Variants in NPHS2 observed in about 807,000 individuals in gnomAD.
The protein encoded by NPHS2 is NPHS2 stomatin family member, podocin, also known as podocin.
In NPHS2, 36 loss-of-function variants were observed where a neutral mutation model predicts 37.1. The ratio of observed to expected loss-of-function variants is 0.97; its 90% CI spans 0.74 to 1.28. NPHS2 has a LOEUF of 1.28. Among genes scored for constraint, NPHS2 ranks in the 50% most tolerant of loss-of-function variants. The pLI, the probability that NPHS2 is intolerant of heterozygous loss-of-function variation, is 0.00. For synonymous variants in NPHS2, 196 were observed against 189.3 expected (o/e 1.04, Z -0.29); for missense variants, 447 against 488.1 (o/e 0.92, Z 0.79).
intron 2 of NPHS2, among the ~76,000 whole-genome samples, chr1:179,561,642 T>C (rs1358349617): frequency 1.3e-5 from 2 of 152,232 alleles, no homozygotes; most frequent in Non-Finnish European, 2.9e-5. Context: ...AAATTAATCT[T>C]ATCAAGGCAT....
chr1:179,552,811 C>A, intron 6 of NPHS2, 130 bp from the exon 7 acceptor site: 1 of 733,950 alleles, frequency 1.4e-6, no homozygotes. Context: ...CCAGAGTGTG[C>A]CATTCCTAGA....
chr1:179,556,553 T>TACC lies in NPHS2; in HGVS notation c.738+473_738+474insGGT, dbSNP rs1673936866. ...AAATCTAGACAATGGATTGGGTAAT[T>TACC]CATCATGTAAAGGTCTATGACATCT... On this transcript the variant is annotated intron_variant, in intron 5 of 7. Transcript: ENST00000367615. This position sits in a 1 kb window ranked among gnomAD's most constrained non-coding sequence, Gnocchi z 4.1. 6.6e-6 allele frequency among the ~76,000 whole-genome samples: 1 copy of TACC among 152,200 alleles called. No individual in the cohort carries two copies. The highest frequency in any genetic ancestry group is 2.4e-5 in the African/African-American group (1 of 41,446).
At chr1:179,555,984 T>C (rs1424804228) in intron 5 of NPHS2, among the ~76,000 whole-genome samples, 3 of 152,222 alleles carry the variant, frequency 2.0e-5, no homozygotes, top group Non-Finnish European at 2.9e-5. Flanking sequence ...TTTCGACTTT[T>C]ATCATGGGTT....
At chr1:179,574,518 C>T (rs1005313689) in intron 1 of NPHS2, among the ~76,000 whole-genome samples, 2 of 152,186 alleles carry the variant, frequency 1.3e-5, no homozygotes, top group Admixed American at 6.5e-5. Context: ...AGCATTGAAC[C>T]CAGCAACCAT....
intron 1 of NPHS2, among the ~76,000 whole-genome samples, chr1:179,569,908 A>T (rs1401084398): frequency 6.6e-6 from 1 of 152,180 alleles, no homozygotes; most frequent in Non-Finnish European, 1.5e-5. Context: ...CTGCCAAGAG[A>T]TCCACTGTTA....
intron 1 of NPHS2, among the ~76,000 whole-genome samples, chr1:179,573,785 A>G (rs1023374285): frequency 1.3e-5 from 2 of 152,270 alleles, no homozygotes; most frequent in Admixed American, 1.3e-4. Context: ...AGCGAGAGAT[A>G]TGCGTAGAAA....
In NPHS2 at chr1:179,575,590, C is replaced by A; in HGVS notation, c.274+1G>T. On this transcript the variant is annotated splice_donor_variant, in intron 1 of 7. Transcript: ENST00000367615. LOFTEE classifies it high-confidence loss of function. ...AGCAGATAGTGGTGCTGAATCCGTACCTTCCTCGGGCCGCTCGCTCTCCAA... is the reference window on the plus strand; with the variant it reads ...AGCAGATAGTGGTGCTGAATCCGTAACTTCCTCGGGCCGCTCGCTCTCCAA... 1 of 1,601,234 alleles carries A rather than the reference C, an allele frequency of 6.2e-7. No homozygotes were observed. Among genetic ancestry groups the A allele is most frequent in the Non-Finnish European group, 8.5e-7 (1 of 1,179,864 alleles).
intron 1 of NPHS2, among the ~76,000 whole-genome samples, chr1:179,565,107 C>T (rs188995122): frequency 6.8e-6 from 1 of 147,832 alleles, no homozygotes; most frequent in Admixed American, 6.7e-5. Context: ...CCTGTCTGTA[C>T]AAAAAAAAAA....
chr1:179,573,802 T>G (rs1674652891), intron 1 of NPHS2, among the ~76,000 whole-genome samples: 1 of 152,222 alleles, frequency 6.6e-6, no homozygotes. Context: ...GAAAACTAAT[T>G]TATATCCTCA....
At position 179,575,441 on chromosome 1, in the gene NPHS2, C is replaced by G. The variant is rs931938604; in HGVS notation, c.274+150G>C. On this transcript the variant is annotated intron_variant, in intron 1 of 7. Transcript: ENST00000367615. ...CTCACCATAGCAGGTTGCTGGGTTC[C>G]TAACTTACGCCCTTCCGTTCCTGGG... 6.6e-6 allele frequency: 7 copies of G among 1,067,562 alleles called. No homozygotes were observed. The African/African-American group carries it at 1.1e-4, about 17-fold the overall frequency. 66.1% of individuals were successfully genotyped at this position (1,067,562 alleles called of 1,614,324 possible).
At chr1:179,564,849 A>G in intron 1 of NPHS2, 56 bp from the exon 2 acceptor site, 1 of 1,370,888 alleles carries the variant, frequency 7.3e-7, no homozygotes, top group South Asian at 1.2e-5. Context: ...GTATTCACTG[A>G]CTAGCATCTG....
At chr1:179,557,699 A>G (rs1261029049) in intron 4 of NPHS2, among the ~76,000 whole-genome samples, 2 of 152,212 alleles carry the variant, frequency 1.3e-5, no homozygotes, top group Non-Finnish European at 2.9e-5. Flanking sequence ...GGATTTAGCT[A>G]TAAGGATGTT....
chr1:179,566,433 T>A (rs1270874560), intron 1 of NPHS2, among the ~76,000 whole-genome samples: 1 of 152,254 alleles, frequency 6.6e-6, no homozygotes, highest in African/African-American at 2.4e-5. Flanking sequence ...CTTGTAAATT[T>A]GTTTGAGTTC....
intron 5 of NPHS2, among the ~76,000 whole-genome samples, chr1:179,555,058 A>C (rs918323760): frequency 6.6e-6 from 1 of 152,160 alleles, no homozygotes; most frequent in African/African-American, 2.4e-5. Context: ...TGGAAAAGGC[A>C]AGGAAACGGA....
chr1:179,571,455 G>A (rs1456106044), intron 1 of NPHS2, among the ~76,000 whole-genome samples: 2 of 152,194 alleles, frequency 1.3e-5, no homozygotes, highest in East Asian at 3.9e-4. Context: ...TCCCAGGGGG[G>A]CAGCCGCCTA....
rs1249990464 is a variant in NPHS2 at position 179,559,746 on chromosome 1, A to G, written c.467T>C (p.Leu156Ser). 6.4e-7 allele frequency: 1 copy of G among 1,567,066 alleles called. No individual in the cohort carries two copies. Among genetic ancestry groups the G allele is most frequent in the Non-Finnish European group, 8.7e-7 (1 of 1,148,832 alleles). ...CTTGTGGTAGGTATCCAGGCAGGGC[A>G]AAAAAAAGAAAAGACCTAAAAGAGA... ...RAKGPGLFFF[L>S]PCLDTYHKVD... The change falls in exon 4 of 8, where the codon TTG (leucine) becomes TCG (serine). Residue 156 changes from leucine (L) to serine (S), a missense_variant. By Grantham distance (145) the Leu-to-Ser change is moderately radical. Coordinates refer to ENST00000367615, the MANE Select transcript of NPHS2 (RefSeq NM_014625.4).
intron 1 of NPHS2, among the ~76,000 whole-genome samples, chr1:179,575,267 G>A (rs924128946): frequency 1.3e-5 from 2 of 152,144 alleles, no homozygotes; most frequent in East Asian, 1.9e-4. Context: ...GTGCCCGTAT[G>A]CCCCTCCATG....
In NPHS2 at chr1:179,557,157, A is replaced by T. The variant is rs1246042794; in HGVS notation, c.608T>A (p.Leu203His). 1 of 1,614,082 alleles carries T rather than the reference A, an allele frequency of 6.2e-7. No homozygotes were observed. The highest frequency in any genetic ancestry group is 1.1e-5 in the South Asian group (1 of 91,086). Reference sequence around the variant, plus strand: ...AGATACATGAGCAAGACTGCTTAGGAGAAGAGAGGCATTTTCCATTCGGTA... The same window carrying T: ...AGATACATGAGCAAGACTGCTTAGGTGAAGAGAGGCATTTTCCATTCGGTA... ...CYYRMENASLLLSSLAHVSKA... is the reference protein window; with the variant it reads ...CYYRMENASLHLSSLAHVSKA... The change falls in exon 5 of 8, where the codon CTC (leucine) becomes CAC (histidine). Residue 203 changes from leucine (L) to histidine (H), a missense_variant. Physicochemically the swap from Leu to His is moderately conservative, Grantham distance 99. Transcript: ENST00000367615.
intron 1 of NPHS2, among the ~76,000 whole-genome samples, chr1:179,568,853 G>A (rs1167903544): frequency 6.6e-6 from 1 of 152,204 alleles, no homozygotes; most frequent in Non-Finnish European, 1.5e-5. Flanking sequence ...CCATGTAGTT[G>A]TGTGGTTTTG....
Sources: allele counts gnomAD v4.1 joint callset (sites outside exome capture counted in the v4.1 genomes callset), GRCh38; gene constraint gnomAD v4.1.1; non-coding constraint Gnocchi (gnomAD v3.1); transcripts MANE v1.5; gene names NCBI Gene and HGNC (gene_info 2026-07-23, HGNC 2026-07-21).